ATP8B3: variants seen among roughly 807,000 people sequenced by gnomAD.
The protein encoded by ATP8B3 is ATPase phospholipid transporting 8B3.
Under a neutral mutation model 140.9 loss-of-function variants are expected in ATP8B3, and 141 were observed. That is an observed-to-expected ratio of 1.00 (90% CI 0.87 to 1.15). The LOEUF (loss-of-function observed/expected upper bound fraction) is 1.15, where lower values mean the gene tolerates loss of function less well. Ranked by LOEUF, ATP8B3 falls within the 50% of genes most tolerant of loss-of-function variation. The pLI, the probability that ATP8B3 is intolerant of heterozygous loss-of-function variation, is 0.00. For synonymous variants in ATP8B3, 765 were observed against 714.6 expected, an observed-to-expected ratio of 1.07 and a Z score of -1.13; for missense variants, 1,874 against 1,740.6, an observed-to-expected ratio of 1.08 and a Z score of -1.36.
rs766896437 is a variant in ATP8B3, at chr19:1,785,271, G to A, written c.3420C>T (p.Thr1140=). 28 of 1,605,782 alleles carry A rather than the reference G, an allele frequency of 1.7e-5. No individual in the cohort carries two copies. The highest frequency in any genetic ancestry group is 1.3e-4 in the African/African-American group (10 of 74,684). The change falls in exon 27 of 29, where the codon ACC becomes ACT. Residue 1140 remains threonine (T), a synonymous_variant. Transcript: ENST00000310127. ...MEVILIIKYW[T]ALCVATILLS... is the part of the protein sequence containing the mutation. ...GGAGGATGGTCGCCACGCACAGGGC[G>A]GTCCAGTACTTGATGATAAGAATGA...
chr19:1,794,516 C>G lies in ATP8B3; in HGVS notation c.2055+1359G>C, dbSNP rs116557848. 0.038 allele frequency among the ~76,000 whole-genome samples: 5,790 copies of G among 151,992 alleles called. 355 individuals carry two copies. The highest frequency in any genetic ancestry group is 0.13 in the African/African-American group (5,451 of 41,424). ...ACCTGTGAGGAGCCCCCAGGCTGGACGCAGAATCCTCTGGCCCTGTAGGGT... is the reference window on the plus strand; with the variant it reads ...ACCTGTGAGGAGCCCCCAGGCTGGAGGCAGAATCCTCTGGCCCTGTAGGGT... On this transcript the variant is annotated intron_variant, in intron 18 of 28. Transcript: ENST00000310127. The surrounding 1 kb of genome is among the most constrained non-coding windows in gnomAD (Gnocchi z 4.8).
Position 1,810,703 on chromosome 19 carries a change from C to G in ATP8B3, c.249-20G>C. On this transcript the variant is annotated intron_variant, in intron 2 of 28. Coordinates refer to ENST00000310127, the MANE Select transcript of ATP8B3 (RefSeq NM_138813.4). ...GTGGGGCTGTGGGAGAGAAGGGCCC[C>G]GGGTCACAGCAGTGACCCCAGCCCT... 1 of 1,608,382 alleles carries G rather than the reference C, an allele frequency of 6.2e-7. No homozygotes were observed.
chr19:1,805,776 C>G lies in ATP8B3; in HGVS notation c.821+112G>C. On this transcript the variant is annotated intron_variant, in intron 9 of 28. Transcript: ENST00000310127. The surrounding 1 kb of genome is among the most constrained non-coding windows in gnomAD (Gnocchi z 5.2). Reference sequence around the variant, plus strand: ...CCCAGACACTCATGGGGTGAGTGACCAAAGTCTCTGAGCGACCTTGGCTGG... The same window carrying G: ...CCCAGACACTCATGGGGTGAGTGACGAAAGTCTCTGAGCGACCTTGGCTGG... The G allele has an allele frequency of 2.2e-6, 3 of 1,358,296 alleles. No individual in the cohort carries two copies. Among genetic ancestry groups the G allele is most frequent in the Non-Finnish European group, 3.1e-6 (3 of 975,790 alleles). 84.1% of individuals were successfully genotyped at this position (1,358,296 alleles called of 1,614,324 possible).
intron 24 of ATP8B3, 95 bp downstream of exon 24, chr19:1,788,802 T>G: frequency 8.3e-7 from 1 of 1,207,340 alleles, no homozygotes; most frequent in Non-Finnish European, 1.2e-6. Flanking sequence ...GATCCCAGGG[T>G]TCTCAGTGCG....
intron 20 of ATP8B3, among the ~76,000 whole-genome samples, chr19:1,791,215 C>G (rs1057312761): frequency 6.6e-6 from 1 of 151,826 alleles, no homozygotes; most frequent in Non-Finnish European, 1.5e-5. Flanking sequence ...CCCTGAAAAT[C>G]ACTTTTTTTT....
chr19:1,809,592 G>A, intron 4 of ATP8B3, 51 bp downstream of exon 4: 2 of 1,497,384 alleles, frequency 1.3e-6, no homozygotes, highest in Admixed American at 3.8e-5. Context: ...ATTCCCCGAG[G>A]GTACCACGGC....
At chr19:1,790,276 TC>T (rs1381276977) in intron 21 of ATP8B3, among the ~76,000 whole-genome samples, 1 of 12,602 alleles carries the variant, frequency 7.9e-5, no homozygotes, top group African/African-American at 4.5e-4. Flanking sequence ...CCTCCGCTGC[TC>T]CCCCCTCCCC....
Position 1,811,807 on chromosome 19 carries a change from G to C in ATP8B3, c.-71C>G. 1 of 1,476,656 alleles carries C rather than the reference G, an allele frequency of 6.8e-7. No individual in the cohort carries two copies. The highest frequency in any genetic ancestry group is 1.4e-5 in the South Asian group (1 of 73,712). The allele number at this position is 1,476,656 out of a possible 1,614,324, so 91.5% of individuals were successfully genotyped here. A position where few individuals can be genotyped will look rare whatever the true frequency, so the allele number is the denominator to read the frequency against. On this transcript the variant is annotated 5_prime_UTR_variant, in exon 2 of 29. Coordinates refer to ENST00000310127, the MANE Select transcript of ATP8B3 (RefSeq NM_138813.4). ...GCTGTGGGACGGGGGAGAGGTGGGG[G>C]AGACCCCCGTGGGGGCAGACTGGGG...
chr19:1,802,424 CA>C, intron 11 of ATP8B3, 62 bp downstream of exon 11: 3 of 1,068,964 alleles, frequency 2.8e-6, no homozygotes, highest in South Asian at 1.5e-5. Context: ...CACCCATCCC[CA>C]CATCCATCTA....
chr19:1,798,535 G>C (rs577407847), intron 14 of ATP8B3, among the ~76,000 whole-genome samples: 1 of 151,484 alleles, frequency 6.6e-6, no homozygotes, highest in Non-Finnish European at 1.5e-5. Context: ...TCAGGAGATC[G>C]AGACCATCCT....
Position 1,809,635 on chromosome 19 carries a change from C to A in ATP8B3, c.402+8G>T. On this transcript the variant is annotated splice_region_variant and intron_variant, in intron 4 of 28. Transcript: ENST00000310127. ...CTGGAGCAGGGAGGCGCGGGAGGGGCCGCCCACCTTGTATTTCTTCCTTTG... is the reference window on the plus strand; with the variant it reads ...CTGGAGCAGGGAGGCGCGGGAGGGGACGCCCACCTTGTATTTCTTCCTTTG... 1.3e-6 allele frequency: 2 copies of A among 1,596,630 alleles called. No individual in the cohort carries two copies. The highest frequency in any genetic ancestry group is 2.3e-5 in the East Asian group (1 of 44,248).
intron 27 of ATP8B3, 105 bp downstream of exon 27, chr19:1,785,054 C>T: frequency 1.3e-6 from 2 of 1,490,062 alleles, no homozygotes; most frequent in South Asian, 1.4e-5. Flanking sequence ...GGAGCGCCTT[C>T]CCCAGGACAC....
In ATP8B3 at chr19:1,806,331, G is replaced by A. The variant is rs1053264660; in HGVS notation, c.678-162C>T. On this transcript the variant is annotated intron_variant, in intron 7 of 28. Coordinates refer to ENST00000310127, the MANE Select transcript of ATP8B3 (RefSeq NM_138813.4). This position sits in a 1 kb window ranked among gnomAD's most constrained non-coding sequence, Gnocchi z 5.6. ...TCCCCGGGCTCCCACCCCACTCCCC[G>A]CGGGTCCACGCTCCCACCCAGTGAC... 3.6e-5 allele frequency: 53 copies of A among 1,469,072 alleles called. No individual in the cohort carries two copies. Among genetic ancestry groups the A allele is most frequent in the African/African-American group, 9.9e-5 (7 of 70,884 alleles). The allele number at this position is 1,469,072 out of a possible 1,614,324, so 91.0% of individuals were successfully genotyped here. A position where few individuals can be genotyped will look rare whatever the true frequency, so the allele number is the denominator to read the frequency against.
intron 14 of ATP8B3, 130 bp downstream of exon 14, chr19:1,799,817 G>T: frequency 2.0e-6 from 2 of 990,698 alleles, no homozygotes; most frequent in Non-Finnish European, 3.0e-6. Context: ...AGGCCATCTG[G>T]CTACGGTTCC....
chr19:1,797,629 A>G (rs2068723528), intron 14 of ATP8B3, among the ~76,000 whole-genome samples: 1 of 151,368 alleles, frequency 6.6e-6, no homozygotes, highest in Non-Finnish European at 1.5e-5. Context: ...CCTCCCGAGT[A>G]GCTGGGATTA....
intron 14 of ATP8B3, among the ~76,000 whole-genome samples, chr19:1,797,471 TA>T (rs1469177422): frequency 2.6e-4 from 14 of 53,216 alleles, no homozygotes; most frequent in East Asian, 2.4e-3. Context: ...TTTTTATTTT[TA>T]TTTATTTATT....
chr19:1,802,055 GTATCCATC>G lies in ATP8B3; in HGVS notation c.1064-19_1064-12del. 6.3e-7 allele frequency: 1 copy of G among 1,594,858 alleles called. No individual in the cohort carries two copies. The highest frequency in any genetic ancestry group is 8.5e-7 in the Non-Finnish European group (1 of 1,172,390). On this transcript the variant is annotated splice_polypyrimidine_tract_variant and intron_variant, in intron 11 of 28. Transcript: ENST00000310127. ...TTTTTGTGTCAAAACCTACAAACAT[GTATCCATC>G]TATCCACCCACCCACCCACCCATCC...
chr19:1,807,038 G>A lies in ATP8B3; in HGVS notation c.615+130C>T. On this transcript the variant is annotated intron_variant, in intron 6 of 28. Transcript: ENST00000310127. The surrounding 1 kb of genome is among the most constrained non-coding windows in gnomAD (Gnocchi z 5.9). ...AGGACAATGTAGCCCCAGCAGCTGA[G>A]GCTCCCAGGCCCACGTTCCCCTAAT... The A allele has an allele frequency of 2.4e-6, 2 of 828,598 alleles. No homozygotes were observed. Among genetic ancestry groups the A allele is most frequent in the Non-Finnish European group, 3.9e-6 (2 of 511,136 alleles). The allele number at this position is 828,598 out of a possible 1,614,324, so 51.3% of individuals were successfully genotyped here.
chr19:1,804,495 C>G (rs951571222), intron 10 of ATP8B3, among the ~76,000 whole-genome samples: 1 of 152,148 alleles, frequency 6.6e-6, no homozygotes, highest in Non-Finnish European at 1.5e-5. Context: ...GTAGTCCCAG[C>G]TACTCGGAAG....
Sources: gnomAD v4.1 joint callset for allele counts (sites outside exome capture counted in the v4.1 genomes callset) on GRCh38, gnomAD v4.1.1 for gene constraint, Gnocchi (gnomAD v3.1) non-coding constraint, MANE v1.5 for transcripts, NCBI Gene and HGNC (gene_info 2026-07-23, HGNC 2026-07-21) for gene names.